Variants in TRIM55 observed in about 807,000 individuals in gnomAD.
TRIM55 encodes tripartite motif-containing protein 55.
A neutral mutation model predicts 60.9 loss-of-function variants in TRIM55; 50 were observed. The observed-to-expected ratio is 0.82, with a 90% CI of 0.65 to 1.04. TRIM55 has a LOEUF of 1.04. Among genes scored for constraint, TRIM55 ranks in the 50% least tolerant of loss-of-function variants. The probability of loss-of-function intolerance (pLI) is 0.00; values close to 1 mark genes in which losing one functional copy is unlikely to be tolerated. For missense variants in TRIM55, 681 were observed against 666.9 expected (o/e 1.02, Z -0.23); for synonymous variants, 237 against 238.1 (o/e 1.00, Z 0.04).
At chr8:66,144,051 A>G (rs1167030633) in intron 4 of TRIM55, among the ~76,000 whole-genome samples, 2 of 152,110 alleles carry the variant, frequency 1.3e-5, no homozygotes, top group African/African-American at 4.8e-5. Context: ...ACAGTTGCAT[A>G]TTTTGTTTTT....
At chr8:66,127,550 G>A (rs1808879015) in intron 1 of TRIM55, 114 bp downstream of exon 1, 2 of 1,300,436 alleles carry the variant, frequency 1.5e-6, no homozygotes, top group African/African-American at 2.9e-5. Flanking sequence ...AAGGTTGCCG[G>A]GCGCTTTGGC....
intron 9 of TRIM55, among the ~76,000 whole-genome samples, chr8:66,155,076 T>G (rs981330279): frequency 1.3e-5 from 2 of 152,360 alleles, no homozygotes; most frequent in East Asian, 3.9e-4. Context: ...TCATGGTGAC[T>G]CCATACTCAT....
At chr8:66,153,485 C>T (rs1358542780) in intron 8 of TRIM55, among the ~76,000 whole-genome samples, 2 of 152,172 alleles carry the variant, frequency 1.3e-5, no homozygotes, top group African/African-American at 4.8e-5. Context: ...TGAAACAAAA[C>T]TCCAGAGGGG....
At position 66,135,069 on chromosome 8, in the gene TRIM55, G is replaced by A; in HGVS notation, c.421G>A (p.Val141Ile). ...CAACATCTACTGTCTGAACTGCGAA[G>A]TACCCACCTGCTCTCTGTGCAAGGT... ...RINIYCLNCE[V>I]PTCSLCKVFG... The change falls in exon 3 of 10, where the codon GTA becomes ATA. Residue 141 changes from valine (V) to isoleucine (I), a missense_variant. Val to Ile is a conservative substitution (Grantham distance 29). Coordinates refer to ENST00000315962, the MANE Select transcript of TRIM55 (RefSeq NM_184085.2). 6.2e-7 allele frequency: 1 copy of A among 1,614,216 alleles called. No individual in the cohort carries two copies. Among genetic ancestry groups the A allele is most frequent in the Non-Finnish European group, 8.5e-7 (1 of 1,180,034 alleles).
At position 66,127,358 on chromosome 8, in the gene TRIM55, A is replaced by G. The variant is rs1239523272; in HGVS notation, c.90A>G (p.Leu30=). Residue 30 remains leucine, a synonymous_variant, in exon 1 of 10, where the codon TTA becomes TTG. Transcript: ENST00000315962. Reference sequence around the variant, plus strand: ...AGCAACTCATCTGTCCCATCTGCTTAGAGATGTTCACGAAACCTGTGGTGA... The same window carrying G: ...AGCAACTCATCTGTCCCATCTGCTTGGAGATGTTCACGAAACCTGTGGTGA... ...LEKQLICPIC[L]EMFTKPVVIL... The G allele has an allele frequency of 6.2e-7, 1 of 1,613,880 alleles. No homozygotes were observed. Among genetic ancestry groups the G allele is most frequent in the Non-Finnish European group, 8.5e-7 (1 of 1,179,858 alleles).
intron 2 of TRIM55, among the ~76,000 whole-genome samples, chr8:66,134,087 G>A (rs1346371991): frequency 6.6e-6 from 1 of 152,110 alleles, no homozygotes; most frequent in Non-Finnish European, 1.5e-5. Flanking sequence ...TTTTAACAAT[G>A]CAGATCATAG....
rs1808954043 is a variant in TRIM55, at chr8:66,128,453, C to T, written c.318C>T (p.Asp106=). Residue 106 remains aspartate (D), a synonymous_variant, in exon 2 of 10, where the codon GAC becomes GAT. Coordinates refer to ENST00000315962, the MANE Select transcript of TRIM55 (RefSeq NM_184085.2). ...QRNLLVENII[D]IYKQESTRPE... is the part of the protein sequence containing the mutation. ...ACCTGCTGGTGGAAAATATCATTGA[C>T]ATCTACAAGCAGGAGTCCACCAGGT... The T allele has an allele frequency of 1.9e-6, 3 of 1,613,354 alleles. No individual in the cohort carries two copies. The African/African-American group carries it at 4.0e-5, about 22-fold the overall frequency.
chr8:66,118,593 AAG>A, the TRIM55 span, among the ~76,000 whole-genome samples: 2 of 152,200 alleles, frequency 1.3e-5, no homozygotes, highest in Non-Finnish European at 2.9e-5. Flanking sequence ...TTTGTATGGA[AAG>A]AGAGTTCTGG....
chr8:66,139,478 A>T (rs570709001), intron 4 of TRIM55, among the ~76,000 whole-genome samples: 3,777 of 145,264 alleles, frequency 0.026, 135 homozygotes, highest in African/African-American at 0.099. Context: ...GAAGCCGATC[A>T]GGGGCATGGT....
intron 3 of TRIM55, among the ~76,000 whole-genome samples, chr8:66,135,418 C>G (rs185489954): frequency 2.0e-5 from 3 of 152,188 alleles, no homozygotes; most frequent in Non-Finnish European, 4.4e-5. Flanking sequence ...CAGAACGGCA[C>G]GATCCCTGTT....
At chr8:66,167,026 C>T (rs1266660785) in intron 9 of TRIM55, among the ~76,000 whole-genome samples, 1 of 152,212 alleles carries the variant, frequency 6.6e-6, no homozygotes, top group Non-Finnish European at 1.5e-5. Flanking sequence ...GCGAGCCGAT[C>T]CTTCAGTTGC....
upstream of TRIM55, among the ~76,000 whole-genome samples, chr8:66,125,098 AT>A (rs1311898275): frequency 1.3e-5 from 2 of 152,040 alleles, no homozygotes; most frequent in Non-Finnish European, 2.9e-5. Context: ...CACAACTGAA[AT>A]TTTTTTTCTC....
rs1255489316 is a variant in TRIM55, at chr8:66,130,169, A to G, written c.341+1693A>G. On this transcript the variant is annotated intron_variant, in intron 2 of 9. Coordinates refer to ENST00000315962, the MANE Select transcript of TRIM55 (RefSeq NM_184085.2). ...TGCAGTATTGGTAAAACTACAAAAC[A>G]CATCTTCACCTTAGCTATGAAGTTG... 2.6e-5 allele frequency among the ~76,000 whole-genome samples: 4 copies of G among 152,268 alleles called. No homozygotes were observed. In the East Asian group the frequency reaches 7.7e-4, roughly 29 times the overall value.
At position 66,135,043 on chromosome 8, in the gene TRIM55, T is replaced by A; in HGVS notation, c.395T>A (p.Ile132Asn). ...TGCGAGGAACATGAAGAGGAGCGCA[T>A]CAACATCTACTGTCTGAACTGCGAA... ...PMCEEHEEER[I>N]NIYCLNCEVP... is the part of the protein sequence containing the mutation. Residue 132 changes from isoleucine (I) to asparagine (N), a missense_variant, in exon 3 of 10, where the codon ATC (isoleucine) becomes AAC (asparagine). Transcript: ENST00000315962. The A allele has an allele frequency of 6.2e-7, 1 of 1,614,120 alleles. No individual in the cohort carries two copies. Among genetic ancestry groups the A allele is most frequent in the Non-Finnish European group, 8.5e-7 (1 of 1,180,028 alleles).
At chr8:66,131,110 T>C (rs767793587) in intron 2 of TRIM55, among the ~76,000 whole-genome samples, 5 of 152,180 alleles carry the variant, frequency 3.3e-5, no homozygotes, top group Non-Finnish European at 7.3e-5. Context: ...AAAACTACTA[T>C]GTGCTGCATG....
In TRIM55 at chr8:66,127,209, C is replaced by T; in HGVS notation, c.-60C>T. 1 of 1,514,728 alleles carries T rather than the reference C, an allele frequency of 6.6e-7. No individual in the cohort carries two copies. Among genetic ancestry groups the T allele is most frequent in the Non-Finnish European group, 9.0e-7 (1 of 1,109,006 alleles). 93.8% of individuals were successfully genotyped at this position (1,514,728 alleles called of 1,614,324 possible). Reference sequence around the variant, plus strand: ...AATCCCTGGAATAATATCCAGGAAACACTTGCTGGAGCCACTCGCAGCACC... The same window carrying T: ...AATCCCTGGAATAATATCCAGGAAATACTTGCTGGAGCCACTCGCAGCACC... On this transcript the variant is annotated 5_prime_UTR_variant, in exon 1 of 10. Coordinates refer to ENST00000315962, the MANE Select transcript of TRIM55 (RefSeq NM_184085.2).
Position 66,128,303 on chromosome 8 carries a change from G to A in TRIM55, c.169-1G>A. 6.3e-7 allele frequency: 1 copy of A among 1,583,794 alleles called. No individual in the cohort carries two copies. Among genetic ancestry groups the A allele is most frequent in the South Asian group, 1.1e-5 (1 of 87,524 alleles). On this transcript the variant is annotated splice_acceptor_variant, in intron 1 of 9. Transcript: ENST00000315962. LOFTEE classifies it high-confidence loss of function. ...CCTTTTTTCTTACTTGGCAAGAACAGGCCTCTAACCCGTATTTGCCCACAA... is the reference window on the plus strand; with the variant it reads ...CCTTTTTTCTTACTTGGCAAGAACAAGCCTCTAACCCGTATTTGCCCACAA...
At position 66,149,813 on chromosome 8, in the gene TRIM55, G is replaced by A. The variant is rs1279027783; in HGVS notation, c.772G>A (p.Val258Ile). The change falls in exon 5 of 10, where the codon GTC becomes ATC. Residue 258 changes from valine (V) to isoleucine (I), a missense_variant. By Grantham distance (29) the Val-to-Ile change is conservative. Coordinates refer to ENST00000315962, the MANE Select transcript of TRIM55 (RefSeq NM_184085.2). ...IKKYSDHLEN[V>I]SKLVESGIQF... is the part of the protein sequence containing the mutation. ...AAAGTATTCTGATCATTTGGAGAACGTCTCAAAGTTGGTTGAGTCAGGAAT... is the reference window on the plus strand; with the variant it reads ...AAAGTATTCTGATCATTTGGAGAACATCTCAAAGTTGGTTGAGTCAGGAAT... 1.5e-5 allele frequency: 25 copies of A among 1,614,072 alleles called. No individual in the cohort carries two copies. Among genetic ancestry groups the A allele is most frequent in the African/African-American group, 8.0e-5 (6 of 74,948 alleles).
At chr8:66,121,082 T>C in the TRIM55 span, among the ~76,000 whole-genome samples, 9 of 152,326 alleles carry the variant, frequency 5.9e-5, no homozygotes, top group African/African-American at 1.9e-4. Context: ...CAGCTACAGG[T>C]TGAAAGAGGT....
Sources: gnomAD v4.1 joint callset for allele counts (sites outside exome capture counted in the v4.1 genomes callset) on GRCh38, gnomAD v4.1.1 for gene constraint, MANE v1.5 for transcripts, NCBI Gene and HGNC (gene_info 2026-07-23, HGNC 2026-07-21) for gene names.